The following NAALADL2 variants were observed in gnomAD, a reference collection of about 807,000 sequenced individuals.
NAALADL2 encodes inactive N-acetylated-alpha-linked acidic dipeptidase-like protein 2.
Under a neutral mutation model 87.2 loss-of-function variants are expected in NAALADL2, and 76 were observed. The ratio of observed to expected loss-of-function variants is 0.87; its 90% CI spans 0.72 to 1.05. The LOEUF (loss-of-function observed/expected upper bound fraction) is 1.05. NAALADL2 is among the 50% of genes least tolerant of loss of function. The pLI, the probability that NAALADL2 is intolerant of heterozygous loss-of-function variation, is 0.00. For missense variants in NAALADL2, 1,089 were observed against 945.8 expected, an observed-to-expected ratio of 1.15 and a Z score of -1.99; for synonymous variants, 354 against 331.0, an observed-to-expected ratio of 1.07 and a Z score of -0.75.
At chr3:175,107,267 T>C (rs1295432267) in intron 2 of NAALADL2, among the ~76,000 whole-genome samples, 2 of 151,944 alleles carry the variant, frequency 1.3e-5, no homozygotes, top group East Asian at 1.9e-4. Context: ...CTGATTACCA[T>C]CCATAATGTG....
intron 3 of NAALADL2, among the ~76,000 whole-genome samples, chr3:174,831,393 T>C (rs1722670794): frequency 6.9e-6 from 1 of 144,414 alleles, no homozygotes. Context: ...TGGTTCTGTT[T>C]ATACGCTGGA....
intron 2 of NAALADL2, among the ~76,000 whole-genome samples, chr3:175,193,242 C>T (rs905647713): frequency 5.9e-5 from 9 of 151,770 alleles, no homozygotes; most frequent in Admixed American, 5.9e-4. Context: ...TATTTACACT[C>T]TCTGAGCCTT....
intron 1 of NAALADL2, among the ~76,000 whole-genome samples, chr3:175,067,050 T>C (rs1179573724): frequency 1.3e-5 from 2 of 152,160 alleles, no homozygotes; most frequent in Non-Finnish European, 2.9e-5. Context: ...TGGATTCCTA[T>C]TTTTGATCAA....
In NAALADL2 at chr3:175,460,808, T is replaced by C. The variant is rs114762088; in HGVS notation, c.1235-2593T>C. 5.8e-3 allele frequency among the ~76,000 whole-genome samples: 877 copies of C among 152,292 alleles called. 5 individuals are homozygous for C. The highest frequency in any genetic ancestry group is 9.0e-3 in the Non-Finnish European group (612 of 68,026). On this transcript the variant is annotated intron_variant, in intron 6 of 13. Coordinates refer to ENST00000454872, the MANE Select transcript of NAALADL2 (RefSeq NM_207015.3). The stretch of plus-strand genomic sequence containing the variant: ...CACACTGGGACAAAAGAGATGATCA[T>C]GTTCCCAAAGAGGCAGGGTGTTGCA...
chr3:174,925,877 GAGA>G (rs760242727), intron 1 of NAALADL2, among the ~76,000 whole-genome samples: 2 of 152,058 alleles, frequency 1.3e-5, no homozygotes, highest in African/African-American at 4.8e-5. Flanking sequence ...GACGAGTTGA[GAGA>G]AGAAGTCTTC....
chr3:175,077,406 G>A (rs944396112), intron 1 of NAALADL2, among the ~76,000 whole-genome samples: 1 of 152,092 alleles, frequency 6.6e-6, no homozygotes, highest in African/African-American at 2.4e-5. Context: ...CAAAACATCT[G>A]GAGCACCCAG....
intron 5 of NAALADL2, among the ~76,000 whole-genome samples, chr3:175,436,262 T>G (rs1186546098): frequency 6.8e-6 from 1 of 146,120 alleles, no homozygotes; most frequent in Admixed American, 7.0e-5. Flanking sequence ...GTTGGACATT[T>G]GGGTTGGTTC....
At chr3:175,007,150 TAA>T (rs397877957) in intron 1 of NAALADL2, among the ~76,000 whole-genome samples, 10,831 of 70,300 alleles carry the variant, frequency 0.15, 423 homozygotes, top group Middle Eastern at 0.25. Flanking sequence ...TTTTATAGGA[TAA>T]AAAAAAAAAA....
intron 5 of NAALADL2, among the ~76,000 whole-genome samples, chr3:175,432,349 C>T (rs1032901497): frequency 6.6e-6 from 1 of 151,922 alleles, no homozygotes; most frequent in Non-Finnish European, 1.5e-5. Flanking sequence ...TTCCAGTTCT[C>T]TTCCTTCTGC....
At chr3:174,505,040 A>G (rs1439863875) in intron 1 of NAALADL2, among the ~76,000 whole-genome samples, 1 of 152,146 alleles carries the variant, frequency 6.6e-6, no homozygotes, top group African/African-American at 2.4e-5. Flanking sequence ...AGAATGCAGC[A>G]CTTTTAAAAA....
rs1445534443 is a variant in NAALADL2, at chr3:174,756,129, G to C, written c.-9+18383G>C. Among the ~76,000 whole-genome samples the C allele has an allele frequency of 9.9e-5, 15 of 152,192 alleles. 1 individual carries two copies. Among genetic ancestry groups the C allele is most frequent in the Admixed American group, 9.8e-4 (15 of 15,282 alleles). ...TAGCCTTGTCTGTATTACGTACAAT[G>C]ATTGTAAAGCACTGCAGTGAGACTT... On this transcript the variant is annotated intron_variant, in intron 3 of 3. Coordinates refer to the NAALADL2 transcript ENST00000434257.
chr3:175,386,837 G>A (rs1412132754), intron 5 of NAALADL2, among the ~76,000 whole-genome samples: 5 of 151,902 alleles, frequency 3.3e-5, no homozygotes, highest in Admixed American at 2.0e-4. Flanking sequence ...CAACTGTTGC[G>A]GTATCCCAGT....
chr3:174,777,115 A>G (rs1003819503), intron 3 of NAALADL2, among the ~76,000 whole-genome samples: 1 of 152,212 alleles, frequency 6.6e-6, no homozygotes, highest in African/African-American at 2.4e-5. Flanking sequence ...AGAATACAAC[A>G]ATTTCCTCCT....
chr3:174,879,704 T>C (rs541465591), intron 1 of NAALADL2, among the ~76,000 whole-genome samples: 2 of 152,034 alleles, frequency 1.3e-5, no homozygotes, highest in Non-Finnish European at 2.9e-5. Flanking sequence ...TCTCCTAAAC[T>C]ACAGTCCCAT....
chr3:174,583,812 AC>A (rs1716414804), intron 2 of NAALADL2, among the ~76,000 whole-genome samples: 2 of 152,272 alleles, frequency 1.3e-5, no homozygotes, highest in African/African-American at 4.8e-5. Flanking sequence ...GAGAGAAAAA[AC>A]AGTGGGATAT....
intron 3 of NAALADL2, among the ~76,000 whole-genome samples, chr3:174,853,400 AT>A: frequency 6.8e-6 from 1 of 147,892 alleles, no homozygotes; most frequent in East Asian, 2.0e-4. Flanking sequence ...AAAAAAATAG[AT>A]TTACACCTAA....
At chr3:174,889,058 C>G (rs765001060) in intron 1 of NAALADL2, among the ~76,000 whole-genome samples, 19 of 152,070 alleles carry the variant, frequency 1.2e-4, no homozygotes, top group Admixed American at 4.6e-4. Context: ...TATTTAAACA[C>G]GTTTCATAAT....
chr3:174,927,309 A>G (rs889811736), intron 1 of NAALADL2, among the ~76,000 whole-genome samples: 3 of 152,196 alleles, frequency 2.0e-5, no homozygotes, highest in Non-Finnish European at 4.4e-5. Flanking sequence ...CGGGACAGAA[A>G]GTTAATAAGG....
chr3:175,329,350 A>G (rs1761125014), intron 5 of NAALADL2, among the ~76,000 whole-genome samples: 1 of 152,154 alleles, frequency 6.6e-6, no homozygotes, highest in Non-Finnish European at 1.5e-5. Flanking sequence ...AATTCAGTGG[A>G]TCTCTGTGTT....
Sources: allele counts gnomAD v4.1 joint callset (sites outside exome capture counted in the v4.1 genomes callset), GRCh38; gene constraint gnomAD v4.1.1; transcripts MANE v1.5; gene names NCBI Gene and HGNC (gene_info 2026-07-23, HGNC 2026-07-21).